Variants in EPHA6 observed in about 807,000 individuals in gnomAD.
The protein encoded by EPHA6 is ephrin type-A receptor 6.
In EPHA6, 50 loss-of-function variants were observed where a neutral mutation model predicts 112.0. That is an observed-to-expected ratio of 0.45 (90% CI 0.36 to 0.56). EPHA6 has a LOEUF of 0.56. Among genes scored for constraint, EPHA6 ranks in the 20% least tolerant of loss-of-function variants. The pLI is 0.00. For synonymous variants in EPHA6, 529 were observed against 490.7 expected (o/e 1.08, Z -1.03); for missense variants, 1,280 against 1,417.4 (o/e 0.90, Z 1.56).
intron 6 of EPHA6, among the ~76,000 whole-genome samples, chr3:97,440,620 A>C (rs1336121955): frequency 6.6e-6 from 1 of 151,102 alleles, no homozygotes; most frequent in African/African-American, 2.4e-5. Context: ...ATAATATATT[A>C]AAGCATAATA....
At chr3:97,057,788 C>T (rs2045897682) in intron 3 of EPHA6, among the ~76,000 whole-genome samples, 1 of 152,156 alleles carries the variant, frequency 6.6e-6, no homozygotes, top group Non-Finnish European at 1.5e-5. Context: ...CATGAAAGAA[C>T]TTCCTGTGTT....
intron 11 of EPHA6, among the ~76,000 whole-genome samples, chr3:97,575,688 C>A (rs761987060): frequency 3.3e-5 from 5 of 151,986 alleles, no homozygotes; most frequent in African/African-American, 9.7e-5. Context: ...CTGTGGGGAG[C>A]CTTTGAAAGG....
At chr3:96,914,018 T>C (rs1375222110) in intron 2 of EPHA6, among the ~76,000 whole-genome samples, 1 of 152,160 alleles carries the variant, frequency 6.6e-6, no homozygotes, top group East Asian at 1.9e-4. Flanking sequence ...CAATGTTAAA[T>C]ATGCGCCTAA....
At chr3:97,253,322 G>T (rs1559829793) in intron 5 of EPHA6, among the ~76,000 whole-genome samples, 1 of 152,074 alleles carries the variant, frequency 6.6e-6, no homozygotes, top group African/African-American at 2.4e-5. Flanking sequence ...AGTAAGCAAA[G>T]CTTTTAGTAA....
chr3:96,904,731 A>G (rs918221729), intron 2 of EPHA6, among the ~76,000 whole-genome samples: 1 of 152,118 alleles, frequency 6.6e-6, no homozygotes, highest in Non-Finnish European at 1.5e-5. Context: ...TTTGAAAAAC[A>G]TTGTTCAAAA....
intron 3 of EPHA6, among the ~76,000 whole-genome samples, chr3:97,132,326 G>T (rs1360916351): frequency 6.6e-6 from 1 of 152,048 alleles, no homozygotes; most frequent in African/African-American, 2.4e-5. Flanking sequence ...TGATTAAAGT[G>T]TTGAATATCA....
At chr3:97,279,355 A>G (rs1253239488) in intron 5 of EPHA6, among the ~76,000 whole-genome samples, 2 of 152,204 alleles carry the variant, frequency 1.3e-5, no homozygotes, top group East Asian at 3.8e-4. Flanking sequence ...AACCCCCTTC[A>G]TGAAAAGCGT....
intron 3 of EPHA6, among the ~76,000 whole-genome samples, chr3:97,212,865 A>G (rs1014298257): frequency 4.6e-5 from 7 of 152,154 alleles, no homozygotes; most frequent in African/African-American, 1.7e-4. Flanking sequence ...GTGTGTGTAT[A>G]TAACCCCTGT....
chr3:97,692,928 G>A (rs1006897630), intron 14 of EPHA6, among the ~76,000 whole-genome samples: 5 of 152,124 alleles, frequency 3.3e-5, no homozygotes, highest in East Asian at 1.9e-4. Context: ...AGAGCATTAT[G>A]AGCATCTATT....
intron 3 of EPHA6, among the ~76,000 whole-genome samples, chr3:96,997,878 T>A (rs2043481833): frequency 6.6e-6 from 1 of 152,024 alleles, no homozygotes. Flanking sequence ...ACAAACCTTC[T>A]ATGTTTAGAA....
chr3:97,683,537 C>A (rs1413633858), intron 14 of EPHA6, among the ~76,000 whole-genome samples: 1 of 151,966 alleles, frequency 6.6e-6, no homozygotes, highest in Non-Finnish European at 1.5e-5. Flanking sequence ...AAAAATGAAA[C>A]CTTACAATTT....
chr3:97,033,941 T>A (rs2044980861), intron 3 of EPHA6, among the ~76,000 whole-genome samples: 2 of 151,980 alleles, frequency 1.3e-5, no homozygotes, highest in South Asian at 4.1e-4. Context: ...TTCTGAGAAT[T>A]GTTCTGAGCT....
chr3:97,116,117 G>A (rs1297026889), intron 3 of EPHA6, among the ~76,000 whole-genome samples: 2 of 151,718 alleles, frequency 1.3e-5, no homozygotes, highest in Non-Finnish European at 3.0e-5. Context: ...AAATGAAGAA[G>A]CAAATTGTTT....
At chr3:97,046,520 G>A (rs571223196) in intron 3 of EPHA6, among the ~76,000 whole-genome samples, 5 of 152,294 alleles carry the variant, frequency 3.3e-5, no homozygotes, top group Non-Finnish European at 7.4e-5. Context: ...TTTGTTCAAC[G>A]ATTTGTTTGA....
chr3:96,847,695 G>T (rs1369041112), intron 1 of EPHA6, among the ~76,000 whole-genome samples: 1 of 152,026 alleles, frequency 6.6e-6, no homozygotes, highest in Non-Finnish European at 1.5e-5. Flanking sequence ...GGAATAAATT[G>T]TATGAAAAAA....
At position 97,328,001 on chromosome 3, in the gene EPHA6, GTATATGTATATGTGTA is replaced by G. The variant is rs1314888427; in HGVS notation, c.1607-77127_1607-77112del. On this transcript the variant is annotated intron_variant, in intron 5 of 17. Coordinates refer to ENST00000389672, the MANE Select transcript of EPHA6 (RefSeq NM_001080448.3). ...TGTGCATATATATGTATATGTGTAT[GTATATGTATATGTGTA>G]TATATGTATATGTGTATATATACAC... Among the ~76,000 whole-genome samples the G allele has an allele frequency of 5.8e-5, 7 of 119,856 alleles. No individual in the cohort carries two copies. The East Asian group carries it at 6.5e-4, about 11-fold the overall frequency. 78.6% of individuals were successfully genotyped at this position (119,856 alleles called of 152,430 possible).
intron 11 of EPHA6, among the ~76,000 whole-genome samples, chr3:97,554,419 A>AT (rs573569164): frequency 5.3e-5 from 8 of 152,076 alleles, no homozygotes; most frequent in African/African-American, 1.7e-4. Flanking sequence ...GTTAGTTGCA[A>AT]TTTTTTTTAA....
intron 5 of EPHA6, among the ~76,000 whole-genome samples, chr3:97,285,067 A>G (rs907771499): frequency 5.9e-5 from 9 of 152,222 alleles, no homozygotes; most frequent in Admixed American, 3.9e-4. Flanking sequence ...CATCTGATAA[A>G]CTTCTGCTGA....
intron 5 of EPHA6, among the ~76,000 whole-genome samples, chr3:97,390,493 A>T (rs1251384553): frequency 1.3e-5 from 2 of 151,570 alleles, no homozygotes; most frequent in African/African-American, 2.4e-5. Flanking sequence ...TATATAAATT[A>T]TATTCCCTTT....
Sources: gnomAD v4.1 joint callset for allele counts (sites outside exome capture counted in the v4.1 genomes callset) on GRCh38, gnomAD v4.1.1 for gene constraint, MANE v1.5 for transcripts, NCBI Gene and HGNC (gene_info 2026-07-23, HGNC 2026-07-21) for gene names.